SNX4: variants seen among roughly 807,000 people sequenced by gnomAD.
The protein encoded by SNX4 is sorting nexin-4.
A neutral mutation model predicts 70.8 loss-of-function variants in SNX4; 49 were observed. That is an observed-to-expected ratio of 0.69 (90% confidence interval 0.55 to 0.88). The LOEUF is 0.88. SNX4 is among the 40% of genes least tolerant of loss of function. The pLI is 0.00. For synonymous variants in SNX4, 206 were observed against 183.8 expected (o/e 1.12, Z -0.98); for missense variants, 528 against 544.8 (o/e 0.97, Z 0.31).
intron 1 of SNX4, among the ~76,000 whole-genome samples, chr3:125,509,752 C>CAA (rs202049305): frequency 3.8e-3 from 258 of 68,252 alleles, no homozygotes; most frequent in East Asian, 6.3e-3. Context: ...GAATCTGTCT[C>CAA]AAAAAAAAAA....
At chr3:125,468,609 G>T (rs560376614) in intron 9 of SNX4, among the ~76,000 whole-genome samples, 8 of 152,126 alleles carry the variant, frequency 5.3e-5, no homozygotes, top group African/African-American at 1.9e-4. Context: ...ACTTTGGGAG[G>T]CCAAGGCAGG....
chr3:125,472,457 C>T (rs1934198382), intron 8 of SNX4, among the ~76,000 whole-genome samples: 1 of 149,844 alleles, frequency 6.7e-6, no homozygotes, highest in Admixed American at 6.6e-5. Flanking sequence ...ATATTGGAAG[C>T]CATATAATAG....
intron 5 of SNX4, among the ~76,000 whole-genome samples, chr3:125,494,337 T>C (rs1237869970): frequency 6.6e-6 from 1 of 152,166 alleles, no homozygotes; most frequent in Non-Finnish European, 1.5e-5. Context: ...TAGTCTAGAC[T>C]TGGATTCAGC....
chr3:125,462,170 A>G (rs1464468074), intron 9 of SNX4, among the ~76,000 whole-genome samples: 1 of 152,176 alleles, frequency 6.6e-6, no homozygotes. Flanking sequence ...TTCCCTTATC[A>G]ACAATTTGAA....
intron 9 of SNX4, among the ~76,000 whole-genome samples, 186 bp from the exon 10 acceptor site, chr3:125,461,046 T>C (rs960588460): frequency 6.6e-6 from 1 of 152,132 alleles, no homozygotes; most frequent in Non-Finnish European, 1.5e-5. Context: ...GCCAACGTGG[T>C]GAAACCCTGT....
chr3:125,457,572 CTTTTTTT>C (rs1005344428), intron 10 of SNX4, among the ~76,000 whole-genome samples: 7 of 110,418 alleles, frequency 6.3e-5, no homozygotes, highest in East Asian at 5.3e-4. Flanking sequence ...TTCATATATT[CTTTTTTT>C]TTTTTTTTTT....
intron 1 of SNX4, among the ~76,000 whole-genome samples, chr3:125,516,201 T>G (rs1190398354): frequency 1.3e-5 from 2 of 152,118 alleles, no homozygotes; most frequent in African/African-American, 4.8e-5. Context: ...CTGTAAATGG[T>G]TTTTCTCTGG....
chr3:125,483,059 G>A (rs1030175573), intron 6 of SNX4, among the ~76,000 whole-genome samples: 3 of 151,564 alleles, frequency 2.0e-5, no homozygotes, highest in Non-Finnish European at 2.9e-5. Flanking sequence ...CAACTTTTCC[G>A]TACTTATCAA....
chr3:125,473,074 T>A (rs938434552), intron 8 of SNX4, among the ~76,000 whole-genome samples: 1 of 152,208 alleles, frequency 6.6e-6, no homozygotes, highest in Non-Finnish European at 1.5e-5. Context: ...ATGTGCAGGT[T>A]TGTTACATGT....
At chr3:125,478,664 C>T (rs898141698) in intron 7 of SNX4, among the ~76,000 whole-genome samples, 1 of 151,828 alleles carries the variant, frequency 6.6e-6, no homozygotes, top group African/African-American at 2.4e-5. Context: ...GATACCAAAC[C>T]TCCTTCCTAA....
chr3:125,482,144 A>G (rs917588672), intron 6 of SNX4, among the ~76,000 whole-genome samples: 6 of 152,214 alleles, frequency 3.9e-5, no homozygotes, highest in Non-Finnish European at 8.8e-5. Context: ...ATACATTCCT[A>G]TGTGACTTGT....
intron 6 of SNX4, among the ~76,000 whole-genome samples, chr3:125,488,779 A>C (rs73859201): frequency 1.5e-3 from 225 of 152,352 alleles, no homozygotes; most frequent in African/African-American, 4.7e-3. Flanking sequence ...GCCTAAGCAC[A>C]TATCCAATTA....
intron 2 of SNX4, among the ~76,000 whole-genome samples, chr3:125,504,157 C>G (rs1354667472): frequency 1.3e-5 from 2 of 152,014 alleles, no homozygotes; most frequent in African/African-American, 4.8e-5. Flanking sequence ...ACGGTGAAAC[C>G]CTGTCTCTAC....
rs1021490935 is a variant in SNX4, at chr3:125,500,196, C to T, written c.264-2002G>A. Among the ~76,000 whole-genome samples, 12 of 152,190 alleles carry T rather than the reference C, an allele frequency of 7.9e-5. No individual in the cohort carries two copies. The South Asian group carries it at 1.5e-3, about 18-fold the overall frequency. ...CCTCATTTATCTAATCACTCAACAACTATTCAATAGTACCTAAATGGTTTT... is the reference window on the plus strand; with the variant it reads ...CCTCATTTATCTAATCACTCAACAATTATTCAATAGTACCTAAATGGTTTT... On this transcript the variant is annotated intron_variant, in intron 2 of 13. Transcript: ENST00000251775.
chr3:125,504,838 G>A (rs1935012739), intron 1 of SNX4, 94 bp from the exon 2 acceptor site: 8 of 1,368,344 alleles, frequency 5.8e-6, no homozygotes, highest in Non-Finnish European at 7.8e-6. Context: ...CCATTATTGG[G>A]TTTATATATT....
intron 8 of SNX4, among the ~76,000 whole-genome samples, chr3:125,470,685 G>A (rs922277096): frequency 6.6e-5 from 10 of 151,894 alleles, no homozygotes; most frequent in African/African-American, 2.4e-4. Flanking sequence ...TTTTGGACAG[G>A]AATGAAAAAT....
intron 8 of SNX4, among the ~76,000 whole-genome samples, chr3:125,474,423 T>C (rs1205956766): frequency 6.6e-6 from 1 of 152,178 alleles, no homozygotes; most frequent in Non-Finnish European, 1.5e-5. Flanking sequence ...GCTCAAGTGT[T>C]CCTCCCATCT....
chr3:125,515,033 T>C (rs1935244330), intron 1 of SNX4, among the ~76,000 whole-genome samples: 1 of 152,166 alleles, frequency 6.6e-6, no homozygotes. Context: ...TGGCTAAGTA[T>C]TGTTTCCTGA....
rs1239851357 is a variant in SNX4, at chr3:125,451,364, G to A, written c.1246C>T (p.Arg416Ter). Residue 416 changes from arginine to a stop codon, truncating the protein, a stop_gained, in exon 13 of 14, where the codon CGA becomes TGA. Transcript: ENST00000251775. LOFTEE classifies it high-confidence loss of function. ...CTTATGAGGGCCTCCTTTAAGTCTCGGTTCTTTTGTTCTTTGAAGCGTTCA... is the reference window on the plus strand; with the variant it reads ...CTTATGAGGGCCTCCTTTAAGTCTCAGTTCTTTTGTTCTTTGAAGCGTTCA... The part of the protein sequence containing the change: ...DIERFKEQKN[R>*]DLKEALISYA... 8 of 1,613,604 alleles carry A rather than the reference G, an allele frequency of 5.0e-6. No individual in the cohort carries two copies. The highest frequency in any genetic ancestry group is 1.1e-5 in the South Asian group (1 of 91,060).
Sources: allele counts gnomAD v4.1 joint callset (sites outside exome capture counted in the v4.1 genomes callset), GRCh38; gene constraint gnomAD v4.1.1; transcripts MANE v1.5; gene names NCBI Gene and HGNC (gene_info 2026-07-23, HGNC 2026-07-21).